Variants in ATP1B3 observed in about 807,000 individuals in gnomAD.
ATP1B3 encodes sodium/potassium-transporting ATPase subunit beta-3.
In ATP1B3, 10 loss-of-function variants were observed where a neutral mutation model predicts 30.2. The observed-to-expected ratio is 0.33, with a 90% CI of 0.20 to 0.56. The LOEUF (loss-of-function observed/expected upper bound fraction) is 0.56. Among genes scored for constraint, ATP1B3 ranks in the 20% least tolerant of loss-of-function variants. The pLI is 0.90. For synonymous variants in ATP1B3, 113 were observed against 117.0 expected (o/e 0.97, Z 0.22); for missense variants, 238 against 336.7 (o/e 0.71, Z 2.29).
chr3:141,907,699 G>A (rs1934287696), intron 3 of ATP1B3, among the ~76,000 whole-genome samples: 1 of 151,642 alleles, frequency 6.6e-6, no homozygotes, highest in Admixed American at 6.6e-5. Flanking sequence ...TTCTTAGAAT[G>A]TGTATTACCT....
chr3:141,901,034 T>C (rs1451638834), intron 1 of ATP1B3, among the ~76,000 whole-genome samples: 1 of 152,174 alleles, frequency 6.6e-6, no homozygotes, highest in African/African-American at 2.4e-5. Context: ...CTGCCCGCCT[T>C]GGCCTCCCAA....
At chr3:141,909,483 A>G (rs1056513171) in intron 3 of ATP1B3, among the ~76,000 whole-genome samples, 5 of 152,226 alleles carry the variant, frequency 3.3e-5, no homozygotes, top group East Asian at 3.8e-4. Flanking sequence ...TTTTACATGC[A>G]GAGTGGTCTG....
intron 1 of ATP1B3, 144 bp from the exon 2 acceptor site, chr3:141,903,476 A>C: frequency 8.1e-7 from 1 of 1,234,454 alleles, no homozygotes; most frequent in Non-Finnish European, 1.1e-6. Context: ...ATGTGTCCTG[A>C]ATATGAGGAT....
At chr3:141,885,535 G>A (rs13067998) in intron 1 of ATP1B3, among the ~76,000 whole-genome samples, 21,169 of 151,920 alleles carry the variant, frequency 0.14, 1,713 homozygotes, top group East Asian at 0.39. Context: ...TGCAACCTCC[G>A]CCTCCCAGGT....
chr3:141,902,281 TTAAC>T (rs1934178551), intron 1 of ATP1B3: 1 of 1,198,668 alleles, frequency 8.3e-7, no homozygotes, highest in South Asian at 1.3e-5. Flanking sequence ...TGAAATTGCT[TTAAC>T]TATTTCCCCT....
intron 1 of ATP1B3, among the ~76,000 whole-genome samples, chr3:141,888,661 C>T (rs1933880310): frequency 6.6e-6 from 1 of 152,052 alleles, no homozygotes; most frequent in African/African-American, 2.4e-5. Context: ...ATTGTAGCTC[C>T]CATAATCCCC....
At chr3:141,892,806 T>A (rs1933982155) in intron 1 of ATP1B3, among the ~76,000 whole-genome samples, 2 of 152,048 alleles carry the variant, frequency 1.3e-5, no homozygotes, top group African/African-American at 4.8e-5. Flanking sequence ...TTGGACATGA[T>A]GGTAATGTTC....
At chr3:141,880,780 A>G (rs1020083495) in intron 1 of ATP1B3, among the ~76,000 whole-genome samples, 1 of 152,224 alleles carries the variant, frequency 6.6e-6, no homozygotes, top group African/African-American at 2.4e-5. Context: ...GAAAGCCACT[A>G]ATCTAGCCCA....
chr3:141,876,779 C>T lies in ATP1B3; in HGVS notation c.-23C>T, dbSNP rs780540024. 5.1e-6 allele frequency: 8 copies of T among 1,581,552 alleles called. No individual in the cohort carries two copies. Among genetic ancestry groups the T allele is most frequent in the Non-Finnish European group, 6.9e-6 (8 of 1,160,834 alleles). ...GCCTCCATCCCCGCGGCCGCAGCTCCTCTCGCCGTCCGCGCGCACACCATG... is the reference window on the plus strand; with the variant it reads ...GCCTCCATCCCCGCGGCCGCAGCTCTTCTCGCCGTCCGCGCGCACACCATG... On this transcript the variant is annotated 5_prime_UTR_variant, in exon 1 of 7. Transcript: ENST00000286371.
At chr3:141,906,393 T>C (rs953436530) in intron 2 of ATP1B3, among the ~76,000 whole-genome samples, 1 of 152,148 alleles carries the variant, frequency 6.6e-6, no homozygotes, top group African/African-American at 2.4e-5. Flanking sequence ...TTGGCCAGGC[T>C]GGTCTCGACC....
At chr3:141,908,301 A>C (rs768183934) in intron 3 of ATP1B3, among the ~76,000 whole-genome samples, 3 of 152,032 alleles carry the variant, frequency 2.0e-5, no homozygotes, top group Non-Finnish European at 4.4e-5. Flanking sequence ...CGAGCCATTT[A>C]TGTGAATGGT....
At chr3:141,895,917 G>T (rs1934056986) in intron 1 of ATP1B3, among the ~76,000 whole-genome samples, 1 of 152,150 alleles carries the variant, frequency 6.6e-6, no homozygotes, top group African/African-American at 2.4e-5. Flanking sequence ...TAGCATTCTG[G>T]TGGGTATGTA....
At chr3:141,877,771 A>G (rs1252575667) in intron 1 of ATP1B3, among the ~76,000 whole-genome samples, 1 of 149,852 alleles carries the variant, frequency 6.7e-6, no homozygotes, top group Admixed American at 6.6e-5. Context: ...TACCGTGTAG[A>G]GTAGCTTTAG....
chr3:141,905,388 AC>A (rs1934246589), intron 2 of ATP1B3, among the ~76,000 whole-genome samples: 1 of 152,162 alleles, frequency 6.6e-6, no homozygotes, highest in African/African-American at 2.4e-5. Context: ...TAAACATCCT[AC>A]AGTGCATAGG....
At chr3:141,907,610 C>T (rs1476137486) in intron 3 of ATP1B3, among the ~76,000 whole-genome samples, 4 of 151,472 alleles carry the variant, frequency 2.6e-5, no homozygotes, top group African/African-American at 9.7e-5. Flanking sequence ...CATTGCACTC[C>T]AGCCTTGGCA....
chr3:141,904,593 T>C (rs1195792186), intron 2 of ATP1B3, among the ~76,000 whole-genome samples: 2 of 152,100 alleles, frequency 1.3e-5, no homozygotes, highest in Non-Finnish European at 2.9e-5. Flanking sequence ...TTAATTCTTC[T>C]TGATTTTCTT....
At chr3:141,923,501 A>G (rs1934603682) in intron 6 of ATP1B3, among the ~76,000 whole-genome samples, 1 of 152,180 alleles carries the variant, frequency 6.6e-6, no homozygotes, top group East Asian at 1.9e-4. Flanking sequence ...GCCTCCATTA[A>G]CTGTAAGAAA....
At chr3:141,897,697 G>A (rs775915425) in intron 1 of ATP1B3, among the ~76,000 whole-genome samples, 3 of 151,908 alleles carry the variant, frequency 2.0e-5, no homozygotes, top group Non-Finnish European at 2.9e-5. Flanking sequence ...CATGTTCATC[G>A]GGTTTTTGTT....
intron 1 of ATP1B3, among the ~76,000 whole-genome samples, chr3:141,885,360 G>T (rs943314947): frequency 6.6e-6 from 1 of 152,140 alleles, no homozygotes; most frequent in Admixed American, 6.6e-5. Context: ...CTAGCCACCC[G>T]TACCAAATTT....
Sources: gnomAD v4.1 joint callset for allele counts (sites outside exome capture counted in the v4.1 genomes callset) on GRCh38, gnomAD v4.1.1 for gene constraint, MANE v1.5 for transcripts, NCBI Gene and HGNC (gene_info 2026-07-23, HGNC 2026-07-21) for gene names.